The following FANCM variants were observed in gnomAD, a reference collection of about 807,000 sequenced individuals.
The protein encoded by FANCM is Fanconi anemia group M protein.
FANCM carries 140 observed loss-of-function variants against 199.5 expected under a neutral mutation model. That is an observed-to-expected ratio of 0.70 (90% confidence interval 0.61 to 0.81). The LOEUF (loss-of-function observed/expected upper bound fraction) is 0.81, where lower values mean the gene tolerates loss of function less well. FANCM is among the 30% of genes least tolerant of loss of function. The pLI is 0.00. For synonymous variants in FANCM, 840 were observed against 836.8 expected (o/e 1.00, Z -0.07); for missense variants, 2,410 against 2,421.4 (o/e 1.00, Z 0.10).
Position 45,189,302 on chromosome 14 carries a change from AC to A in FANCM, c.5282del (p.Pro1761HisfsTer42), listed in dbSNP as rs767404636. On this transcript the variant is annotated frameshift_variant, in exon 20 of 23. Coordinates refer to ENST00000267430, the MANE Select transcript of FANCM (RefSeq NM_020937.4). LOFTEE classifies it high-confidence loss of function. The part of the protein sequence containing the change: ...QNHNEVQSTT[P>X]PFTTVDSQKD... ...ATCATAATGAAGTCCAGTCTACCAC[AC>A]CACCCTTCACTACTGTTGATTCACA... 6.2e-7 allele frequency: 1 copy of A among 1,613,970 alleles called. No individual in the cohort carries two copies.
Position 45,176,305 on chromosome 14 carries a change from T to C in FANCM, c.3551T>C (p.Leu1184Ser), listed in dbSNP as rs1888692578. The change falls in exon 14 of 23, where the codon TTG becomes TCG. Residue 1184 changes from leucine (L) to serine (S), a missense_variant. Transcript: ENST00000267430. ...TTCTTAATTTCTGATGAACTTTTGT[T>C]GGACAATAATTCTGAACTCCAAGAT... ...SQFLISDELL[L>S]DNNSELQDQI... is the part of the protein sequence containing the mutation. 3 of 1,613,916 alleles carry C rather than the reference T, an allele frequency of 1.9e-6. No individual in the cohort carries two copies. The highest frequency in any genetic ancestry group is 2.7e-5 in the African/African-American group (2 of 74,930).
rs797045116 is a variant in FANCM, at chr14:45,159,189, C to CA, written c.1491dup (p.Gln498ThrfsTer7). ...GTTCAAGAAATTGCAGAAATGCTTT[C>CA]ACAGCATCAGCCAATTATTAGAGTA... On this transcript the variant is annotated frameshift_variant, in exon 9 of 23. Transcript: ENST00000267430. LOFTEE classifies it high-confidence loss of function. 2.7e-5 allele frequency: 43 copies of CA among 1,613,132 alleles called. No individual in the cohort carries two copies. The highest frequency in any genetic ancestry group is 2.6e-5 in the Non-Finnish European group (31 of 1,179,264).
chr14:45,141,366 G>C (rs1885928238), intron 3 of FANCM, among the ~76,000 whole-genome samples: 1 of 151,204 alleles, frequency 6.6e-6, no homozygotes, highest in Admixed American at 6.6e-5. Context: ...CTTTTATATG[G>C]GGCCAGATCA....
At chr14:45,192,068 T>C (rs1346542004) in intron 20 of FANCM, among the ~76,000 whole-genome samples, 1 of 152,116 alleles carries the variant, frequency 6.6e-6, no homozygotes. Context: ...AAATATATTT[T>C]AGTGATAATT....
chr14:45,157,465 T>A (rs377029854), intron 8 of FANCM, among the ~76,000 whole-genome samples: 1 of 152,096 alleles, frequency 6.6e-6, no homozygotes, highest in East Asian at 1.9e-4. Flanking sequence ...AGTAAAATGT[T>A]AGAGAAGCTG....
rs552673954 is a variant in FANCM, at chr14:45,182,486, G to T, written c.4386+781G>T. ...TTTGGCAAGTGTGTCACGGATTTAG[G>T]CTAAACAAGAAAGAGATGGTAAGTG... is the stretch of plus-strand genomic sequence containing the variant. On this transcript the variant is annotated intron_variant, in intron 16 of 22. Transcript: ENST00000267430. Among the ~76,000 whole-genome samples the T allele has an allele frequency of 4.6e-5, 7 of 152,280 alleles. No individual in the cohort carries two copies. The South Asian group carries it at 1.2e-3, about 27-fold the overall frequency.
chr14:45,158,983 T>C, intron 8 of FANCM, 113 bp from the exon 9 acceptor site: 1 of 709,796 alleles, frequency 1.4e-6, no homozygotes, highest in Non-Finnish European at 2.3e-6. Context: ...AATTATTTTT[T>C]TGAAAGAATT....
rs773303797 is a variant in FANCM, at chr14:45,153,974, C to T, written c.1105C>T (p.His369Tyr). The T allele has an allele frequency of 1.3e-6, 2 of 1,598,854 alleles. No homozygotes were observed. Among genetic ancestry groups the T allele is most frequent in the Admixed American group, 1.7e-5 (1 of 59,972 alleles). The change falls in exon 6 of 23, where the codon CAT (histidine) becomes TAT (tyrosine). Residue 369 changes from histidine (H) to tyrosine (Y), a missense_variant. Physicochemically the swap from His to Tyr is moderately conservative, Grantham distance 83 (BLOSUM62 2). Coordinates refer to ENST00000267430, the MANE Select transcript of FANCM (RefSeq NM_020937.4). ...GEFAICISLY[H>Y]GYELLQQMGM... ...GTTTGCTATTTGTATTAGTTTATATCATGGTTATGAATTATTGCAGCAAAT... is the reference window on the plus strand; with the variant it reads ...GTTTGCTATTTGTATTAGTTTATATTATGGTTATGAATTATTGCAGCAAAT...
intron 20 of FANCM, 45 bp downstream of exon 20, chr14:45,189,407 A>G (rs1889629357): frequency 6.9e-7 from 1 of 1,441,448 alleles, no homozygotes; most frequent in African/African-American, 1.4e-5. Flanking sequence ...GGTTACCAGA[A>G]GTTTTTCTTT....
At chr14:45,162,642 T>C (rs1042998653) in intron 9 of FANCM, among the ~76,000 whole-genome samples, 35 of 152,258 alleles carry the variant, frequency 2.3e-4, no homozygotes, top group African/African-American at 7.5e-4. Context: ...ACACTTTCAG[T>C]AGCAGTCTTT....
chr14:45,149,204 TG>T (rs1181388054), intron 4 of FANCM, among the ~76,000 whole-genome samples: 2 of 152,142 alleles, frequency 1.3e-5, no homozygotes, highest in Admixed American at 1.3e-4. Flanking sequence ...ATACAAAAGA[TG>T]GGCCATTTGT....
intron 20 of FANCM, among the ~76,000 whole-genome samples, chr14:45,194,470 T>C (rs1889949917): frequency 6.6e-6 from 1 of 152,212 alleles, no homozygotes; most frequent in South Asian, 2.1e-4. Flanking sequence ...TTAATCTTCC[T>C]TAGATAAGTA....
At position 45,186,783 on chromosome 14, in the gene FANCM, G is replaced by T. The variant is rs8013237; in HGVS notation, c.4673-998G>T. Among the ~76,000 whole-genome samples, 473 of 152,298 alleles carry T rather than the reference G, an allele frequency of 3.1e-3. 2 individuals carry two copies. Among genetic ancestry groups the T allele is most frequent in the African/African-American group, 0.011 (448 of 41,562 alleles). Reference sequence around the variant, plus strand: ...CCTGGCCTGTTGAAGGAATAGTGTTGTGACTGGAATGAGGGAAAAGGGAAG... The same window carrying T: ...CCTGGCCTGTTGAAGGAATAGTGTTTTGACTGGAATGAGGGAAAAGGGAAG... On this transcript the variant is annotated intron_variant, in intron 18 of 22. Transcript: ENST00000267430.
At chr14:45,184,660 C>CA (rs776110476) in intron 17 of FANCM, among the ~76,000 whole-genome samples, 926 of 61,692 alleles carry the variant, frequency 0.015, 6 homozygotes, top group Non-Finnish European at 0.017. Context: ...GACTCTGTCT[C>CA]AAAAAAAAAA....
intron 20 of FANCM, among the ~76,000 whole-genome samples, chr14:45,192,473 C>T (rs1026725199): frequency 2.0e-5 from 3 of 152,168 alleles, no homozygotes; most frequent in Non-Finnish European, 4.4e-5. Flanking sequence ...GAAACTCCGT[C>T]ACTACTAAAA....
At chr14:45,197,143 A>C (rs1449917907) in intron 21 of FANCM, among the ~76,000 whole-genome samples, 1 of 152,164 alleles carries the variant, frequency 6.6e-6, no homozygotes, top group Non-Finnish European at 1.5e-5. Flanking sequence ...CGAGCCCTCA[A>C]GAACAGTAAA....
intron 20 of FANCM, among the ~76,000 whole-genome samples, chr14:45,190,440 C>A (rs1325103935): frequency 6.6e-6 from 1 of 152,104 alleles, no homozygotes; most frequent in Non-Finnish European, 1.5e-5. Context: ...ACCTCAAATA[C>A]TTATTTTTTG....
chr14:45,175,938 G>A lies in FANCM; in HGVS notation c.3184G>A (p.Glu1062Lys). The A allele has an allele frequency of 6.2e-7, 1 of 1,613,208 alleles. No homozygotes were observed. The highest frequency in any genetic ancestry group is 8.5e-7 in the Non-Finnish European group (1 of 1,179,430). The change falls in exon 14 of 23, where the codon GAA becomes AAA. Residue 1062 changes from glutamate to lysine, a missense_variant. Coordinates refer to ENST00000267430, the MANE Select transcript of FANCM (RefSeq NM_020937.4). ...ACTTAAATGTATAAATTATCCATCT[G>A]AAAAAAGTTGCCTTTATGATATACC... ...NSLKCINYPS[E>K]KSCLYDIPND...
rs1888662522 is a variant in FANCM at position 45,175,993 on chromosome 14, TCTGTGA to T, written c.3246_3251del (p.Cys1083_Asp1084del). 6 of 1,613,850 alleles carry T rather than the reference TCTGTGA, an allele frequency of 3.7e-6. No homozygotes were observed. Among genetic ancestry groups the T allele is most frequent in the Non-Finnish European group, 5.1e-6 (6 of 1,179,794 alleles). On this transcript the variant is annotated inframe_deletion, in exon 14 of 23. Coordinates refer to ENST00000267430, the MANE Select transcript of FANCM (RefSeq NM_020937.4). ...GATAATATTTCTGATGAGCCAAGTC[TCTGTGA>T]CTGTGATGTACATAAACATAATCAA...
Sources: allele counts gnomAD v4.1 joint callset (sites outside exome capture counted in the v4.1 genomes callset), GRCh38; gene constraint gnomAD v4.1.1; transcripts MANE v1.5; gene names NCBI Gene and HGNC (gene_info 2026-07-23, HGNC 2026-07-21).